Variants in PPP2R5E observed in about 807,000 individuals in gnomAD.
PPP2R5E encodes the protein serine/threonine-protein phosphatase 2A 56 kDa regulatory subunit epsilon isoform.
Under a neutral mutation model 65.3 loss-of-function variants are expected in PPP2R5E, and 4 were observed. The observed-to-expected ratio is 0.06, with a 90% CI of 0.03 to 0.14. PPP2R5E has a LOEUF of 0.14. Among genes scored for constraint, PPP2R5E ranks in the 10% least tolerant of loss-of-function variants. The pLI, the probability that PPP2R5E is intolerant of heterozygous loss-of-function variation, is 1.00. For synonymous variants in PPP2R5E, 183 were observed against 187.4 expected, an observed-to-expected ratio of 0.98 and a Z score of 0.19; for missense variants, 274 against 556.1, an observed-to-expected ratio of 0.49 and a Z score of 5.10.
intron 3 of PPP2R5E, among the ~76,000 whole-genome samples, chr14:63,430,691 A>G (rs1441126060): frequency 6.6e-6 from 1 of 152,226 alleles, no homozygotes; most frequent in Non-Finnish European, 1.5e-5. Context: ...TTAGAATCAG[A>G]GCAGACAAAT....
At chr14:63,527,182 A>C (rs866866121) in intron 2 of PPP2R5E, among the ~76,000 whole-genome samples, 26 of 152,192 alleles carry the variant, frequency 1.7e-4, no homozygotes, top group African/African-American at 6.0e-4. Context: ...AAAAAAAGAA[A>C]GTTTATCTAA....
Position 63,515,527 on chromosome 14 carries a change from CACAG to C in PPP2R5E, c.157+23998_157+24001del, listed in dbSNP as rs532351126. 5.7e-4 allele frequency among the ~76,000 whole-genome samples: 87 copies of C among 152,088 alleles called. 1 individual carries two copies. Among genetic ancestry groups the C allele is most frequent in the African/African-American group, 1.7e-3 (70 of 41,508 alleles). On this transcript the variant is annotated intron_variant, in intron 2 of 13. Coordinates refer to ENST00000337537, the MANE Select transcript of PPP2R5E (RefSeq NM_006246.5). Reference sequence around the variant, plus strand: ...TGTTGTTTTTGTGAACATTATCATTCACAGACACTTTTTTTTTTTTTGAGTCAGA... The same window carrying C: ...TGTTGTTTTTGTGAACATTATCATTCACACTTTTTTTTTTTTTGAGTCAGA...
At chr14:63,531,132 C>T (rs1385846599) in intron 2 of PPP2R5E, among the ~76,000 whole-genome samples, 4 of 152,136 alleles carry the variant, frequency 2.6e-5, no homozygotes, top group African/African-American at 7.2e-5. Flanking sequence ...AGCGCCATTG[C>T]GCTCCAGCCT....
At chr14:63,505,478 T>A (rs1270941850) in intron 2 of PPP2R5E, among the ~76,000 whole-genome samples, 1 of 152,198 alleles carries the variant, frequency 6.6e-6, no homozygotes, top group East Asian at 1.9e-4. Context: ...GCTCACACAC[T>A]GAACACTTCG....
At chr14:63,495,840 A>G (rs1026893483) in intron 2 of PPP2R5E, among the ~76,000 whole-genome samples, 13 of 151,894 alleles carry the variant, frequency 8.6e-5, no homozygotes, top group African/African-American at 2.7e-4. Context: ...ACAGGCATGT[A>G]CCACCTTGCC....
At chr14:63,477,918 G>C (rs1047646962) in intron 2 of PPP2R5E, among the ~76,000 whole-genome samples, 4 of 151,904 alleles carry the variant, frequency 2.6e-5, no homozygotes, top group Non-Finnish European at 5.9e-5. Flanking sequence ...AAATCCACGA[G>C]AGAAACAATG....
At chr14:63,526,721 TA>T (rs1893199200) in intron 2 of PPP2R5E, among the ~76,000 whole-genome samples, 1 of 152,188 alleles carries the variant, frequency 6.6e-6, no homozygotes, top group Admixed American at 6.5e-5. Context: ...CACACCTGGC[TA>T]ATTTTTCTAT....
intron 3 of PPP2R5E, among the ~76,000 whole-genome samples, chr14:63,448,824 A>C (rs1046935343): frequency 6.7e-6 from 1 of 149,964 alleles, no homozygotes; most frequent in Admixed American, 6.6e-5. Flanking sequence ...CCCAATATCT[A>C]TGAAGTGCAA....
chr14:63,474,772 C>A (rs182156124), intron 2 of PPP2R5E, among the ~76,000 whole-genome samples: 1 of 146,238 alleles, frequency 6.8e-6, no homozygotes, highest in Admixed American at 6.8e-5. Context: ...TGGACACCAA[C>A]AACATATAAA....
chr14:63,393,826 A>G lies in PPP2R5E; in HGVS notation c.843T>C (p.His281=), dbSNP rs182130544. 3 of 1,583,922 alleles carry G rather than the reference A, an allele frequency of 1.9e-6. No individual in the cohort carries two copies. The highest frequency in any genetic ancestry group is 1.7e-5 in the Admixed American group (1 of 59,374). Residue 281 remains histidine (H), a synonymous_variant, in exon 8 of 14, where the codon CAT becomes CAC. Coordinates refer to ENST00000337537, the MANE Select transcript of PPP2R5E (RefSeq NM_006246.5). ...TTGTACAAAATCCTCCTACCTGTGCATGGAAGAGTGATAAGCTCCTGACAG... is the reference window on the plus strand; with the variant it reads ...TTGTACAAAATCCTCCTACCTGTGCGTGGAAGAGTGATAAGCTCCTGACAG... The part of the protein sequence containing the change: ...LHTVRSLSLF[H]AQLAYCIVQF...
intron 3 of PPP2R5E, among the ~76,000 whole-genome samples, chr14:63,445,967 T>C (rs1299599234): frequency 6.6e-6 from 1 of 152,240 alleles, no homozygotes; most frequent in African/African-American, 2.4e-5. Context: ...CTTTTCAAAT[T>C]GGAGTCAATC....
At chr14:63,506,468 T>C (rs1422027661) in intron 2 of PPP2R5E, among the ~76,000 whole-genome samples, 2 of 149,238 alleles carry the variant, frequency 1.3e-5, no homozygotes, top group South Asian at 2.1e-4. Flanking sequence ...AAAAAAGTAA[T>C]AATAATAATA....
chr14:63,424,281 G>A (rs1566691654), intron 3 of PPP2R5E, among the ~76,000 whole-genome samples: 1 of 152,134 alleles, frequency 6.6e-6, no homozygotes, highest in African/African-American at 2.4e-5. Context: ...GAGAGATTCA[G>A]GGATCTAGTT....
chr14:63,521,984 C>T (rs1594967752), intron 2 of PPP2R5E, among the ~76,000 whole-genome samples: 1 of 145,600 alleles, frequency 6.9e-6, no homozygotes, highest in African/African-American at 2.5e-5. Context: ...CGGTCTCCCT[C>T]TGATACCGAG....
chr14:63,402,072 G>A (rs886915370), intron 5 of PPP2R5E, among the ~76,000 whole-genome samples: 2 of 145,800 alleles, frequency 1.4e-5, no homozygotes, highest in South Asian at 4.1e-4. Flanking sequence ...CATCATACAC[G>A]TTAAGTAAAG....
At chr14:63,475,145 T>C (rs1203271194) in intron 2 of PPP2R5E, among the ~76,000 whole-genome samples, 5 of 152,260 alleles carry the variant, frequency 3.3e-5, no homozygotes, top group Non-Finnish European at 5.9e-5. Context: ...ATCACTTCTT[T>C]GCTTCTTTTT....
At chr14:63,535,033 G>A (rs957763395) in intron 2 of PPP2R5E, among the ~76,000 whole-genome samples, 3 of 152,112 alleles carry the variant, frequency 2.0e-5, no homozygotes, top group East Asian at 1.9e-4. Context: ...ACACAGATAC[G>A]GAAAAACCAG....
At chr14:63,520,569 A>G (rs1221428540) in intron 2 of PPP2R5E, among the ~76,000 whole-genome samples, 1 of 152,204 alleles carries the variant, frequency 6.6e-6, no homozygotes, top group Non-Finnish European at 1.5e-5. Context: ...ATGGCTCAAC[A>G]GAAATGTGTT....
chr14:63,519,246 G>A (rs770917555), intron 2 of PPP2R5E, among the ~76,000 whole-genome samples: 11 of 151,168 alleles, frequency 7.3e-5, no homozygotes, highest in Non-Finnish European at 1.5e-4. Context: ...TAAACATGAG[G>A]GGAAAATATT....
Sources: allele counts gnomAD v4.1 joint callset (sites outside exome capture counted in the v4.1 genomes callset), GRCh38; gene constraint gnomAD v4.1.1; transcripts MANE v1.5; gene names NCBI Gene and HGNC (gene_info 2026-07-23, HGNC 2026-07-21).